Variants in POM121 observed in about 807,000 individuals in gnomAD.
POM121 encodes the protein nuclear envelope pore membrane protein POM 121.
A neutral mutation model predicts 81.3 loss-of-function variants in POM121; 32 were observed. The observed-to-expected ratio is 0.39, with a 90% CI of 0.30 to 0.53. The LOEUF is 0.53. Among genes scored for constraint, POM121 ranks in the 20% least tolerant of loss-of-function variants. The pLI is 0.66. For missense variants in POM121, 1,138 were observed against 1,614.6 expected, an observed-to-expected ratio of 0.70 and a Z score of 5.06; for synonymous variants, 514 against 694.2, an observed-to-expected ratio of 0.74 and a Z score of 4.08.
chr7:72,939,498 C>G, intron 7 of POM121, 89 bp downstream of exon 7: 1 of 1,536,904 alleles, frequency 6.5e-7, no homozygotes, highest in African/African-American at 1.4e-5. Context: ...GAAAAAAGGT[C>G]TTGAGCATTG....
At chr7:72,916,076 T>C (rs1461815487) in intron 4 of POM121, among the ~76,000 whole-genome samples, 3 of 152,222 alleles carry the variant, frequency 2.0e-5, no homozygotes, top group Non-Finnish European at 4.4e-5. Context: ...ACCTGACCTT[T>C]GTCAGATGGG....
chr7:72,930,547 G>A (rs1448816733), intron 5 of POM121, among the ~76,000 whole-genome samples: 1 of 152,244 alleles, frequency 6.6e-6, no homozygotes, highest in Admixed American at 6.5e-5. Flanking sequence ...ACTGAGTCCA[G>A]CTTGTATTGG....
chr7:72,931,988 G>A (rs144992213), intron 5 of POM121, among the ~76,000 whole-genome samples: 4 of 149,930 alleles, frequency 2.7e-5, no homozygotes, highest in African/African-American at 4.9e-5. Context: ...TGAATGCTAC[G>A]GACATGTAAT....
At chr7:72,902,060 C>G (rs113798272) in intron 3 of POM121, among the ~76,000 whole-genome samples, 1 of 150,838 alleles carries the variant, frequency 6.6e-6, no homozygotes, top group Non-Finnish European at 1.5e-5. Flanking sequence ...TTCAGTGAGC[C>G]GAGATCGCGC....
rs1467592639 is a variant in POM121 at position 72,946,059 on chromosome 7, C to A, written c.3653-78C>A. 59 of 1,565,754 alleles carry A rather than the reference C, an allele frequency of 3.8e-5. 1 individual carries two copies. The highest frequency in any genetic ancestry group is 2.3e-4 in the Middle Eastern group (1 of 4,262). On this transcript the variant is annotated intron_variant, in intron 12 of 12. Transcript: ENST00000434423. ...ACCCTGTGTTTTATTACTGGCCTGG[C>A]CTTCCAGAGATTTGGGCACCCAGAG...
At chr7:72,921,134 A>G (rs782141513), upstream of POM121, among the ~76,000 whole-genome samples, 2 of 152,172 alleles carry the variant, frequency 1.3e-5, no homozygotes, top group African/African-American at 2.4e-5. Flanking sequence ...CAGTGAGCCG[A>G]GATCGCGCCA....
chr7:72,924,830 C>G (rs1795184223), upstream of POM121: 1 of 396,442 alleles, frequency 2.5e-6, no homozygotes, highest in East Asian at 4.2e-5. Flanking sequence ...TAAAAGATCA[C>G]GGATTAGGAA....
At chr7:72,882,146 T>C (rs1166772271) in intron 1 of POM121, among the ~76,000 whole-genome samples, 3 of 152,276 alleles carry the variant, frequency 2.0e-5, no homozygotes, top group Non-Finnish European at 4.4e-5. Flanking sequence ...CACACTGCTA[T>C]AGAGAAATAA....
At chr7:72,948,915 C>G (rs373327132), downstream of POM121, 91 of 1,612,522 alleles carry the variant, frequency 5.6e-5, 4 homozygotes, top group African/African-American at 1.2e-3. Context: ...GGTTCTGCTG[C>G]AGCGCATCTT....
At chr7:72,903,683 A>G (rs1792939094) in intron 3 of POM121, among the ~76,000 whole-genome samples, 2 of 152,192 alleles carry the variant, frequency 1.3e-5, no homozygotes, top group South Asian at 4.1e-4. Context: ...AAAAACGAGA[A>G]AAAAAAAGAA....
intron 4 of POM121, among the ~76,000 whole-genome samples, chr7:72,917,257 A>G (rs1420652910): frequency 6.6e-6 from 1 of 152,238 alleles, no homozygotes; most frequent in Non-Finnish European, 1.5e-5. Context: ...CTTGAATACT[A>G]GGAGCTAAAA....
chr7:72,914,372 C>G (rs1381665295), intron 4 of POM121, among the ~76,000 whole-genome samples: 2 of 140,140 alleles, frequency 1.4e-5, no homozygotes, highest in East Asian at 4.1e-4. Flanking sequence ...CTGTTGGAAT[C>G]ACAGAATCCC....
At chr7:72,950,190 A>T, downstream of POM121, 1 of 1,608,578 alleles carries the variant, frequency 6.2e-7, no homozygotes, top group Non-Finnish European at 8.5e-7. Flanking sequence ...CTCGTAAGTC[A>T]TCGAGGCTGC....
intron 3 of POM121, among the ~76,000 whole-genome samples, chr7:72,910,510 T>C (rs557379003): frequency 2.6e-5 from 4 of 152,134 alleles, no homozygotes; most frequent in African/African-American, 9.6e-5. Context: ...CTTGTTACTG[T>C]GGTTCAGTCT....
Position 72,943,352 on chromosome 7 carries a change from C to T in POM121, c.3359C>T (p.Ser1120Phe). 6.2e-7 allele frequency: 1 copy of T among 1,612,624 alleles called. No homozygotes were observed. Among genetic ancestry groups the T allele is most frequent in the Non-Finnish European group, 8.5e-7 (1 of 1,179,566 alleles). The change falls in exon 11 of 13, where the codon TCC becomes TTC. Residue 1120 changes from serine to phenylalanine, a missense_variant. This residue lies in a region of POM121 where 336 missense variants were observed against 344.3 expected (regional missense o/e 0.98). Coordinates refer to ENST00000434423, the MANE Select transcript of POM121 (RefSeq NM_001387691.1). The stretch of plus-strand genomic sequence containing the variant: ...GGGATCAATGTGGCCACCCCAGGCT[C>T]CAGCACCACCACCGGAGCTTTCAGC... The part of the protein sequence containing the change: ...SFGINVATPG[S>F]STTTGAFSFG...
In POM121 at chr7:72,946,101, C is replaced by T. The variant is rs781807873; in HGVS notation, c.3653-36C>T. ...CACCCAGAGTCAGAGTCTCAGGTAGCAGCTGCCCTGATGAGGTCTTGTTGA... is the reference window on the plus strand; with the variant it reads ...CACCCAGAGTCAGAGTCTCAGGTAGTAGCTGCCCTGATGAGGTCTTGTTGA... On this transcript the variant is annotated intron_variant, in intron 12 of 12. Transcript: ENST00000434423. The T allele has an allele frequency of 5.0e-6, 8 of 1,607,452 alleles. No individual in the cohort carries two copies. The South Asian group carries it at 7.7e-5, about 16-fold the overall frequency.
At chr7:72,907,056 CCT>C (rs1466138357) in intron 3 of POM121, among the ~76,000 whole-genome samples, 116 of 152,022 alleles carry the variant, frequency 7.6e-4, no homozygotes, top group African/African-American at 2.6e-3. Flanking sequence ...TTTTTTTATA[CCT>C]GTTTGCCTTT....
At chr7:72,883,716 C>A (rs540838172) in intron 1 of POM121, among the ~76,000 whole-genome samples, 8 of 151,594 alleles carry the variant, frequency 5.3e-5, no homozygotes, top group East Asian at 1.9e-4. Context: ...ATGTTCAGTT[C>A]TTTTCACACA....
At chr7:72,945,782 C>A (rs1379636919) in intron 12 of POM121, 74 bp downstream of exon 12, 2 of 1,534,264 alleles carry the variant, frequency 1.3e-6, no homozygotes, top group East Asian at 2.4e-5. Flanking sequence ...GGTTCCTGGT[C>A]CTCTGAGGCC....
Sources: allele counts gnomAD v4.1 joint callset (sites outside exome capture counted in the v4.1 genomes callset), GRCh38; gene constraint gnomAD v4.1.1; regional missense constraint gnomAD v4.1.1; transcripts MANE v1.5; gene names NCBI Gene and HGNC (gene_info 2026-07-23, HGNC 2026-07-21).